Variants in TIPRL observed in about 807,000 individuals in gnomAD.
TIPRL encodes TOR signaling pathway regulator.
TIPRL carries 10 observed loss-of-function variants against 32.3 expected under a neutral mutation model. That is an observed-to-expected ratio of 0.31 (90% confidence interval 0.19 to 0.52). The LOEUF (loss-of-function observed/expected upper bound fraction) is 0.52, where lower values mean the gene tolerates loss of function less well. Among genes scored for constraint, TIPRL ranks in the 20% least tolerant of loss-of-function variants. The pLI is 0.96. For missense variants in TIPRL, 250 were observed against 328.1 expected (o/e 0.76, Z 1.84); for synonymous variants, 100 against 114.0 (o/e 0.88, Z 0.78).
At chr1:168,192,747 G>T (rs1229740988) in intron 4 of TIPRL, among the ~76,000 whole-genome samples, 1 of 152,020 alleles carries the variant, frequency 6.6e-6, no homozygotes, top group Non-Finnish European at 1.5e-5. Flanking sequence ...TTAGCTGGGC[G>T]CAGTGGCGGG....
intron 3 of TIPRL, among the ~76,000 whole-genome samples, chr1:168,185,726 C>T (rs571441044): frequency 2.8e-4 from 41 of 146,658 alleles, no homozygotes; most frequent in Admixed American, 8.9e-4. Flanking sequence ...GCCAAGATCG[C>T]GCCACTGCAC....
At position 168,191,499 on chromosome 1, in the gene TIPRL, T is replaced by C. The variant is rs757463299; in HGVS notation, c.515T>C (p.Ile172Thr). The C allele has an allele frequency of 1.3e-6, 2 of 1,489,692 alleles. No homozygotes were observed. The highest frequency in any genetic ancestry group is 1.8e-6 in the Non-Finnish European group (2 of 1,127,234). 92.3% of individuals were successfully genotyped at this position (1,489,692 alleles called of 1,614,324 possible). A position where few individuals can be genotyped will look rare whatever the true frequency, so the allele number is the denominator to read the frequency against. Residue 172 changes from isoleucine to threonine, a missense_variant and splice_region_variant, in exon 4 of 7, where the codon ATT (isoleucine) becomes ACT (threonine). Coordinates refer to ENST00000367833, the MANE Select transcript of TIPRL (RefSeq NM_152902.5). ...DHGVSSLSVK[I>T]RVMPSSFFLL... Reference sequence around the variant, plus strand: ...GGAGTTTCAAGCCTGAGTGTGAAGATTGTGAGTATTATTTTTATTTAAAAT... The same window carrying C: ...GGAGTTTCAAGCCTGAGTGTGAAGACTGTGAGTATTATTTTTATTTAAAAT...
At chr1:168,192,376 T>TA in intron 4 of TIPRL, 1 of 1,006,392 alleles carries the variant, frequency 9.9e-7, no homozygotes, top group South Asian at 4.4e-5. Context: ...TAAAATAAAA[T>TA]AAAAGAAGTA....
chr1:168,199,505 G>T (rs558486592), intron 6 of TIPRL, among the ~76,000 whole-genome samples: 1 of 151,980 alleles, frequency 6.6e-6, no homozygotes, highest in Non-Finnish European at 1.5e-5. Context: ...ATTTTTTCAC[G>T]CTTAGTATGT....
intron 3 of TIPRL, among the ~76,000 whole-genome samples, chr1:168,189,320 T>G (rs1163216647): frequency 6.6e-6 from 1 of 152,196 alleles, no homozygotes; most frequent in Non-Finnish European, 1.5e-5. Flanking sequence ...TTGTCTAGAT[T>G]ACTTATTCTG....
intron 2 of TIPRL, among the ~76,000 whole-genome samples, chr1:168,184,335 A>G (rs1700002878): frequency 6.6e-6 from 1 of 152,206 alleles, no homozygotes; most frequent in South Asian, 2.1e-4. Context: ...TCGATTTTTC[A>G]GTGTTCCTTA....
rs56699636 is a variant in TIPRL, at chr1:168,186,074, CAAAAAAAAAA to C, written c.384+1216_384+1225del. On this transcript the variant is annotated intron_variant, in intron 3 of 6. Coordinates refer to ENST00000367833, the MANE Select transcript of TIPRL (RefSeq NM_152902.5). ...TGGGCGACAGAGCGAGACTCCGTCTCAAAAAAAAAAAAAAAAAAAAAAAAAAAAAGAGAGA... is the reference window on the plus strand; with the variant it reads ...TGGGCGACAGAGCGAGACTCCGTCTCAAAAAAAAAAAAAAAAAAAGAGAGA... Among the ~76,000 whole-genome samples, 42 of 56,050 alleles carry C rather than the reference CAAAAAAAAAA, an allele frequency of 7.5e-4. 1 individual carries two copies. The highest frequency in any genetic ancestry group is 6.8e-3 in the South Asian group (7 of 1,026). 36.8% of individuals were successfully genotyped at this position (56,050 alleles called of 152,430 possible).
intron 1 of TIPRL, among the ~76,000 whole-genome samples, chr1:168,181,931 G>T (rs1270106007): frequency 5.3e-5 from 8 of 151,698 alleles, no homozygotes; most frequent in Non-Finnish European, 1.5e-5. Context: ...GGGGGTGGTG[G>T]TGCAGGCCTG....
intron 3 of TIPRL, 126 bp downstream of exon 3, chr1:168,185,004 C>A: frequency 1.7e-6 from 1 of 592,420 alleles, no homozygotes. Context: ...TGTGGCATTC[C>A]TCAGAACCTA....
At chr1:168,199,014 A>G (rs781738711) in intron 6 of TIPRL, 33 bp downstream of exon 6, 8 of 1,542,900 alleles carry the variant, frequency 5.2e-6, no homozygotes, top group Non-Finnish European at 7.1e-6. Flanking sequence ...TTAGAAGTTA[A>G]TTTTAATGTT....
chr1:168,185,814 C>T (rs1475962398), intron 3 of TIPRL, among the ~76,000 whole-genome samples: 2 of 147,818 alleles, frequency 1.4e-5, no homozygotes, highest in Non-Finnish European at 3.0e-5. Context: ...CAGTGGCTCA[C>T]GCCTGTAATC....
intron 4 of TIPRL, 70 bp downstream of exon 4, chr1:168,191,570 C>A: frequency 1.5e-6 from 2 of 1,291,926 alleles, no homozygotes; most frequent in Non-Finnish European, 2.0e-6. Context: ...ATATGACTCA[C>A]TTTGAATAAC....
intron 3 of TIPRL, among the ~76,000 whole-genome samples, chr1:168,188,317 T>A (rs1700053306): frequency 6.6e-6 from 1 of 152,148 alleles, no homozygotes; most frequent in Non-Finnish European, 1.5e-5. Context: ...AGAATATTCA[T>A]AGTCAAGGAC....
In TIPRL at chr1:168,184,781, C is replaced by T. The variant is rs61744533; in HGVS notation, c.287C>T (p.Thr96Met). The change falls in exon 3 of 7, where the codon ACG becomes ATG. Residue 96 changes from threonine (T) to methionine (M), a missense_variant and splice_region_variant. By Grantham distance (81) the Thr-to-Met change is moderately conservative. Transcript: ENST00000367833. ...ACAEEWQESR[T>M]EGEHSKEVIK... ...TCCTTCTCATTTTGGTATTTGAGGACGGAGGGTGAACACTCCAAAGAGGTT... is the reference window on the plus strand; with the variant it reads ...TCCTTCTCATTTTGGTATTTGAGGATGGAGGGTGAACACTCCAAAGAGGTT... 1.1e-3 allele frequency: 1,793 copies of T among 1,603,648 alleles called. 13 individuals carry two copies. In the African/African-American group the frequency reaches 0.019, roughly 17 times the overall value.
chr1:168,189,146 C>G (rs1700063248), intron 3 of TIPRL, among the ~76,000 whole-genome samples: 1 of 152,258 alleles, frequency 6.6e-6, no homozygotes, highest in Non-Finnish European at 1.5e-5. Context: ...TCAGCCAGTG[C>G]TATGCCTCAG....
chr1:168,195,793 T>TG, intron 4 of TIPRL, among the ~76,000 whole-genome samples: 1 of 152,280 alleles, frequency 6.6e-6, no homozygotes, highest in East Asian at 1.9e-4. Flanking sequence ...AGGCTGGTCT[T>TG]GAACTCCTGG....
intron 4 of TIPRL, among the ~76,000 whole-genome samples, chr1:168,193,205 ATT>A (rs1347738310): frequency 2.0e-5 from 3 of 152,078 alleles, no homozygotes; most frequent in Non-Finnish European, 4.4e-5. Context: ...AAAAAATTTT[ATT>A]TTTCTTATCT....
chr1:168,189,426 A>G (rs1572433195), intron 3 of TIPRL, among the ~76,000 whole-genome samples: 1 of 151,986 alleles, frequency 6.6e-6, no homozygotes, highest in African/African-American at 2.4e-5. Flanking sequence ...GCTCACTGCA[A>G]CCTCTGCCCC....
intron 1 of TIPRL, 86 bp downstream of exon 1, chr1:168,179,267 CT>C: frequency 8.3e-7 from 1 of 1,208,624 alleles, no homozygotes; most frequent in Non-Finnish European, 1.2e-6. Flanking sequence ...AGCCCCTCCC[CT>C]TTTCCCTGAG....
Sources: gnomAD v4.1 joint callset for allele counts (sites outside exome capture counted in the v4.1 genomes callset) on GRCh38, gnomAD v4.1.1 for gene constraint, MANE v1.5 for transcripts, NCBI Gene and HGNC (gene_info 2026-07-23, HGNC 2026-07-21) for gene names.